FOCAD: variants seen among roughly 807,000 people sequenced by gnomAD.
FOCAD encodes KIAA1797.
Under a neutral mutation model 225.6 loss-of-function variants are expected in FOCAD, and 198 were observed. The observed-to-expected ratio is 0.88, with a 90% CI of 0.78 to 0.99. FOCAD has a LOEUF of 0.99. FOCAD is among the 50% of genes least tolerant of loss of function. The pLI is 0.00. For synonymous variants in FOCAD, 897 were observed against 755.0 expected (o/e 1.19, Z -3.08); for missense variants, 2,713 against 2,123.6 (o/e 1.28, Z -5.46).
intron 21 of FOCAD, among the ~76,000 whole-genome samples, chr9:20,888,207 C>T (rs1450753383): frequency 7.3e-6 from 1 of 137,556 alleles, no homozygotes; most frequent in African/African-American, 2.8e-5. Context: ...GGTGCGATCT[C>T]AGCTCACTAC....
At chr9:20,886,106 G>A (rs1403298992) in intron 21 of FOCAD, among the ~76,000 whole-genome samples, 1 of 152,064 alleles carries the variant, frequency 6.6e-6, no homozygotes, top group Non-Finnish European at 1.5e-5. Flanking sequence ...CAGTTTCATA[G>A]CACAGCAAAA....
chr9:20,921,334 C>T (rs561883521), intron 24 of FOCAD, among the ~76,000 whole-genome samples: 3 of 152,204 alleles, frequency 2.0e-5, no homozygotes, highest in Admixed American at 6.5e-5. Context: ...TTAATTAAAA[C>T]GTCGGTGGTG....
At chr9:20,695,080 T>A (rs1454872380) in intron 1 of FOCAD, among the ~76,000 whole-genome samples, 1 of 152,262 alleles carries the variant, frequency 6.6e-6, no homozygotes, top group Non-Finnish European at 1.5e-5. Flanking sequence ...GATTCTGGAC[T>A]TGATCTATTG....
intron 15 of FOCAD, among the ~76,000 whole-genome samples, chr9:20,861,906 C>T (rs538851407): frequency 2.6e-5 from 4 of 152,082 alleles, no homozygotes; most frequent in South Asian, 4.1e-4. Flanking sequence ...CCCATAAAAC[C>T]AGATATTGAA....
At chr9:20,693,709 T>A (rs1228609474) in intron 1 of FOCAD, among the ~76,000 whole-genome samples, 1 of 97,070 alleles carries the variant, frequency 1.0e-5, no homozygotes, top group African/African-American at 4.5e-5. Flanking sequence ...AATCACTATT[T>A]ATTTATTTAT....
chr9:20,918,277 A>G (rs988225166), intron 24 of FOCAD, among the ~76,000 whole-genome samples: 5 of 152,254 alleles, frequency 3.3e-5, no homozygotes, highest in African/African-American at 4.8e-5. Context: ...CCTCGTGTCT[A>G]GTAGATATTG....
At chr9:20,736,507 G>A (rs1400434911) in intron 4 of FOCAD, among the ~76,000 whole-genome samples, 2 of 152,144 alleles carry the variant, frequency 1.3e-5, no homozygotes, top group African/African-American at 4.8e-5. Flanking sequence ...AAGAAAAGCA[G>A]ATTTTGAGCT....
intron 2 of FOCAD, among the ~76,000 whole-genome samples, chr9:20,716,968 C>T (rs1825390386): frequency 6.6e-6 from 1 of 152,156 alleles, no homozygotes. Flanking sequence ...ACTTGCAATT[C>T]CTGGTCAGTT....
At chr9:20,676,073 AG>A (rs1354700094) in intron 2 of FOCAD, among the ~76,000 whole-genome samples, 1 of 152,232 alleles carries the variant, frequency 6.6e-6, no homozygotes, top group African/African-American at 2.4e-5. Flanking sequence ...TGTATGGAGA[AG>A]AAAAAGCTTA....
chr9:20,795,639 T>C (rs1587194358), intron 11 of FOCAD, among the ~76,000 whole-genome samples: 1 of 151,396 alleles, frequency 6.6e-6, no homozygotes, highest in African/African-American at 2.4e-5. Flanking sequence ...AAAAACTTAG[T>C]CGGGCGTGGT....
intron 1 of FOCAD, among the ~76,000 whole-genome samples, chr9:20,712,959 C>G (rs1313482566): frequency 6.6e-6 from 1 of 152,070 alleles, no homozygotes; most frequent in Non-Finnish European, 1.5e-5. Flanking sequence ...TCTCGAACTC[C>G]TGACTTCAGG....
At chr9:20,995,412 G>C in intron 43 of FOCAD, 144 bp from the exon 44 acceptor site, 1 of 443,216 alleles carries the variant, frequency 2.3e-6, no homozygotes, top group Non-Finnish European at 4.0e-6. Context: ...ATGGTTTTCT[G>C]CCATTAAAAT....
intron 21 of FOCAD, among the ~76,000 whole-genome samples, chr9:20,900,402 T>G (rs904215557): frequency 6.6e-6 from 1 of 151,958 alleles, no homozygotes; most frequent in African/African-American, 2.4e-5. Flanking sequence ...TCTACATTCT[T>G]TCTTCTTTTT....
At chr9:20,728,482 C>T (rs1392403775) in intron 4 of FOCAD, among the ~76,000 whole-genome samples, 1 of 152,202 alleles carries the variant, frequency 6.6e-6, no homozygotes, top group Non-Finnish European at 1.5e-5. Flanking sequence ...TGTGGTGTCA[C>T]ATCAGTGCTC....
intron 11 of FOCAD, among the ~76,000 whole-genome samples, chr9:20,795,750 C>CTCCAGGCTGGGGGACAGA (rs1462066986): frequency 1.3e-4 from 17 of 134,546 alleles, no homozygotes; most frequent in African/African-American, 4.6e-4. Flanking sequence ...CACCACTGCA[C>CTCCAGGCTGGGGGACAGA]TCCAGGCTGG....
At chr9:20,702,721 AG>A (rs1167003955) in intron 1 of FOCAD, among the ~76,000 whole-genome samples, 1 of 152,176 alleles carries the variant, frequency 6.6e-6, no homozygotes, top group African/African-American at 2.4e-5. Context: ...ACCTCAGGCA[AG>A]TGACTTCTTC....
At chr9:20,739,102 A>G (rs1421042404) in intron 4 of FOCAD, among the ~76,000 whole-genome samples, 1 of 152,128 alleles carries the variant, frequency 6.6e-6, no homozygotes, top group East Asian at 1.9e-4. Flanking sequence ...AAAACCTTAA[A>G]TGCCATAAAA....
intron 15 of FOCAD, among the ~76,000 whole-genome samples, chr9:20,846,021 A>G (rs1827070078): frequency 6.6e-6 from 1 of 152,134 alleles, no homozygotes; most frequent in African/African-American, 2.4e-5. Flanking sequence ...TTCTATTAGT[A>G]TGGACTTGCG....
At chr9:20,921,925 C>G (rs920558696) in intron 24 of FOCAD, among the ~76,000 whole-genome samples, 35 of 152,136 alleles carry the variant, frequency 2.3e-4, no homozygotes, top group African/African-American at 8.5e-4. Context: ...AGTGACCTCA[C>G]GTTTTCTACA....
Sources: gnomAD v4.1 joint callset for allele counts (sites outside exome capture counted in the v4.1 genomes callset) on GRCh38, gnomAD v4.1.1 for gene constraint, MANE v1.5 for transcripts, NCBI Gene and HGNC (gene_info 2026-07-23, HGNC 2026-07-21) for gene names.